Variants in JMJD1C observed in about 807,000 individuals in gnomAD.
The protein encoded by JMJD1C is jumonji domain-containing protein 1C.
A neutral mutation model predicts 245.3 loss-of-function variants in JMJD1C; 31 were observed. The ratio of observed to expected loss-of-function variants is 0.13; its 90% CI spans 0.09 to 0.17. The LOEUF (loss-of-function observed/expected upper bound fraction) is 0.17. Ranked by LOEUF, JMJD1C falls within the 10% of genes least tolerant of loss-of-function variation. The pLI, the probability that JMJD1C is intolerant of heterozygous loss-of-function variation, is 1.00. For missense variants in JMJD1C, 2,691 were observed against 3,000.2 expected (o/e 0.90, Z 2.41); for synonymous variants, 1,057 against 1,017.4 (o/e 1.04, Z -0.74).
chr10:63,280,961 T>TC (rs1329677292), intron 2 of JMJD1C, among the ~76,000 whole-genome samples: 7 of 151,188 alleles, frequency 4.6e-5, no homozygotes, highest in African/African-American at 1.7e-4. Flanking sequence ...TACCTCTTTT[T>TC]CTTTTTTTTT....
chr10:63,355,916 A>T (rs1944803351), intron 2 of JMJD1C, among the ~76,000 whole-genome samples: 1 of 152,216 alleles, frequency 6.6e-6, no homozygotes. Context: ...GAGCTGAAAT[A>T]GCAGGCTACT....
At chr10:63,371,686 A>G (rs1304928824) in intron 2 of JMJD1C, among the ~76,000 whole-genome samples, 4 of 147,742 alleles carry the variant, frequency 2.7e-5, no homozygotes, top group Admixed American at 6.8e-5. Flanking sequence ...ATAACATAAT[A>G]CTTTCCAAAA....
rs1233595608 is a variant in JMJD1C at position 63,198,220 on chromosome 10, T to C, written c.5491+293A>G. On this transcript the variant is annotated intron_variant, in intron 12 of 25. Transcript: ENST00000399262. Reference sequence around the variant, plus strand: ...AAATAATTGGGGTAGATTATGTCTTTATAAGCCAAATGCTGAAATTTCACA... The same window carrying C: ...AAATAATTGGGGTAGATTATGTCTTCATAAGCCAAATGCTGAAATTTCACA... 4.6e-5 allele frequency among the ~76,000 whole-genome samples: 7 copies of C among 152,346 alleles called. No homozygotes were observed. The East Asian group carries it at 1.3e-3, about 29-fold the overall frequency.
chr10:63,496,200 T>C (rs1954362282), intron 1 of JMJD1C, among the ~76,000 whole-genome samples: 2 of 151,838 alleles, frequency 1.3e-5, no homozygotes, highest in African/African-American at 4.8e-5. Flanking sequence ...ACAGGATAAA[T>C]AACTTATTTT....
chr10:63,264,792 A>G (rs780053673), intron 2 of JMJD1C, 28 bp from the exon 3 acceptor site: 3 of 1,054,028 alleles, frequency 2.8e-6, no homozygotes, highest in South Asian at 2.7e-5. Flanking sequence ...ATTTCTAATG[A>G]TAATTTTCTG....
intron 1 of JMJD1C, among the ~76,000 whole-genome samples, chr10:63,414,906 CAAA>C (rs751283631): frequency 0.015 from 1,351 of 92,494 alleles, 23 homozygotes; most frequent in African/African-American, 0.05. Context: ...GACTCTATCT[CAAA>C]AAAAAAAAAA....
At chr10:63,176,636 T>A in intron 23 of JMJD1C, 163 bp from the exon 24 acceptor site, 2 of 614,050 alleles carry the variant, frequency 3.3e-6, no homozygotes, top group Non-Finnish European at 5.6e-6. Context: ...CTGCAATAAT[T>A]TGGAAAGCCA....
rs534581867 is a variant in JMJD1C, at chr10:63,230,441, T to C, written c.448-10458A>G. On this transcript the variant is annotated intron_variant, in intron 3 of 25. Transcript: ENST00000399262. ...TTGAATACCATTCATTTTCACAGCA[T>C]CAACATTTAATCATAAGAATTTAAG... Among the ~76,000 whole-genome samples, 78 of 152,278 alleles carry C rather than the reference T, an allele frequency of 5.1e-4. 1 individual carries two copies. Among genetic ancestry groups the C allele is most frequent in the Middle Eastern group, 6.8e-3 (2 of 294 alleles).
chr10:63,189,653 C>T (rs1465987848), intron 17 of JMJD1C, among the ~76,000 whole-genome samples: 1 of 152,120 alleles, frequency 6.6e-6, no homozygotes, highest in Non-Finnish European at 1.5e-5. Context: ...CTTAGAAGTA[C>T]AGCCTTCCTG....
rs568982078 is a variant in JMJD1C, at chr10:63,438,588, A to G, written c.168+26907T>C. Among the ~76,000 whole-genome samples, 8 of 152,270 alleles carry G rather than the reference A, an allele frequency of 5.3e-5. No homozygotes were observed. The South Asian group carries it at 1.7e-3, about 32-fold the overall frequency. ...AAAATGTTCTATAAGGTCCTTCACA[A>G]ACTATCCCCTGCCATCCTGTTCCCC... On this transcript the variant is annotated intron_variant, in intron 1 of 25. Transcript: ENST00000399262.
intron 2 of JMJD1C, among the ~76,000 whole-genome samples, chr10:63,347,227 C>T (rs899295670): frequency 6.6e-6 from 1 of 151,998 alleles, no homozygotes; most frequent in Non-Finnish European, 1.5e-5. Flanking sequence ...TGCCACCATG[C>T]TTGGCTAATT....
At position 63,213,717 on chromosome 10, in the gene JMJD1C, C is replaced by T; in HGVS notation, c.2450G>A (p.Ser817Asn). 6.2e-7 allele frequency: 1 copy of T among 1,614,176 alleles called. No homozygotes were observed. Among genetic ancestry groups the T allele is most frequent in the Non-Finnish European group, 8.5e-7 (1 of 1,180,010 alleles). The part of the protein sequence containing the change: ...SLLGGHPRLE[S>N]AHASSLSHLA... ...GTGGCTCAAGCTGCTGGCATGAGCA[C>T]TCTCTAGTCGTGGGTGGCCACCAAG... Residue 817 changes from serine (S) to asparagine (N), a missense_variant, in exon 8 of 26, where the codon AGT becomes AAT. This residue lies in a region of JMJD1C where 1,562 missense variants were observed against 1,490.7 expected (regional missense o/e 1.05). Coordinates refer to ENST00000399262, the MANE Select transcript of JMJD1C (RefSeq NM_032776.3).
chr10:63,311,219 A>AC (rs900291665), intron 2 of JMJD1C, among the ~76,000 whole-genome samples: 20 of 151,864 alleles, frequency 1.3e-4, no homozygotes, highest in Admixed American at 3.3e-4. Flanking sequence ...AAAAAAAAAA[A>AC]AAAAAACAAA....
upstream of JMJD1C, among the ~76,000 whole-genome samples, chr10:63,469,238 A>G (rs1044829888): frequency 1.3e-5 from 2 of 152,232 alleles, no homozygotes; most frequent in Non-Finnish European, 2.9e-5. Flanking sequence ...AGTTTAACAC[A>G]TCTTTTTAGC....
chr10:63,398,368 A>G (rs1443803517), intron 1 of JMJD1C, among the ~76,000 whole-genome samples: 1 of 152,048 alleles, frequency 6.6e-6, no homozygotes, highest in African/African-American at 2.4e-5. Flanking sequence ...AATTACCTGT[A>G]TTTTACTATT....
chr10:63,335,095 C>A lies in JMJD1C; in HGVS notation c.333+45223G>T, dbSNP rs1340204019. Among the ~76,000 whole-genome samples, 3 of 150,778 alleles carry A rather than the reference C, an allele frequency of 2.0e-5. No individual in the cohort carries two copies. The East Asian group carries it at 5.8e-4, about 29-fold the overall frequency. On this transcript the variant is annotated intron_variant, in intron 2 of 25. Coordinates refer to ENST00000399262, the MANE Select transcript of JMJD1C (RefSeq NM_032776.3). ...CAGTCCTTCACAAAAAAGAACTGACCCAGAAAAATGGAGACACTACCTCAC... is the reference window on the plus strand; with the variant it reads ...CAGTCCTTCACAAAAAAGAACTGACACAGAAAAATGGAGACACTACCTCAC...
intron 1 of JMJD1C, among the ~76,000 whole-genome samples, chr10:63,497,679 T>A (rs181662508): frequency 1.3e-5 from 2 of 152,186 alleles, no homozygotes; most frequent in African/African-American, 4.8e-5. Flanking sequence ...TAAAAGTCTA[T>A]GAATGAATGG....
chr10:63,302,302 G>T (rs184734994), intron 2 of JMJD1C, among the ~76,000 whole-genome samples: 83 of 152,258 alleles, frequency 5.5e-4, no homozygotes, highest in African/African-American at 2.0e-3. Flanking sequence ...GTTACGAGAA[G>T]AAAAATGCCT....
intron 1 of JMJD1C, among the ~76,000 whole-genome samples, chr10:63,430,933 T>C (rs1950708830): frequency 6.6e-6 from 1 of 152,104 alleles, no homozygotes; most frequent in South Asian, 2.1e-4. Context: ...TTTGTTTCGT[T>C]CGATGAAGAC....
Sources: gnomAD v4.1 joint callset for allele counts (sites outside exome capture counted in the v4.1 genomes callset) on GRCh38, gnomAD v4.1.1 for gene constraint, gnomAD v4.1.1 regional missense constraint, MANE v1.5 for transcripts, NCBI Gene and HGNC (gene_info 2026-07-23, HGNC 2026-07-21) for gene names.